The following DOCK7 variants were observed in gnomAD, a reference collection of about 807,000 sequenced individuals.
The protein encoded by DOCK7 is dedicator of cytokinesis protein 7.
A neutral mutation model predicts 271.0 loss-of-function variants in DOCK7; 138 were observed. The observed-to-expected ratio is 0.51, with a 90% CI of 0.44 to 0.59. DOCK7 has a LOEUF of 0.59. DOCK7 is among the 20% of genes least tolerant of loss of function. The probability of loss-of-function intolerance (pLI) is 0.00; values close to 1 mark genes in which losing one functional copy is unlikely to be tolerated. For synonymous variants in DOCK7, 823 were observed against 876.1 expected (o/e 0.94, Z 1.07); for missense variants, 2,066 against 2,592.4 (o/e 0.80, Z 4.41).
chr1:62,495,833 G>A (rs1436849699), intron 38 of DOCK7, 152 bp from the exon 39 acceptor site: 1 of 555,664 alleles, frequency 1.8e-6, no homozygotes, highest in Admixed American at 4.0e-5. Flanking sequence ...GGTATGTGGG[G>A]ATATGGTAAG....
intron 7 of DOCK7, among the ~76,000 whole-genome samples, chr1:62,639,867 T>C (rs12047226): frequency 0.34 from 50,816 of 150,934 alleles, 8,679 homozygotes; most frequent in South Asian, 0.42. Flanking sequence ...GACAAGAATT[T>C]AAACTGCCAA....
intron 43 of DOCK7, among the ~76,000 whole-genome samples, chr1:62,480,256 CA>C (rs772079258): frequency 4.6e-5 from 7 of 152,132 alleles, no homozygotes; most frequent in Non-Finnish European, 1.0e-4. Flanking sequence ...GGCTCAATGT[CA>C]CCTTCAATCT....
At chr1:62,466,248 C>G (rs1490428611) in intron 48 of DOCK7, among the ~76,000 whole-genome samples, 2 of 151,034 alleles carry the variant, frequency 1.3e-5, no homozygotes, top group East Asian at 3.9e-4. Flanking sequence ...TAAAAGTGCC[C>G]TATTTAGAAA....
At chr1:62,581,673 T>C (rs889978473) in intron 16 of DOCK7, among the ~76,000 whole-genome samples, 3 of 151,890 alleles carry the variant, frequency 2.0e-5, no homozygotes, top group African/African-American at 7.3e-5. Context: ...AACAATATAT[T>C]AAGAATGAGG....
At chr1:62,593,644 A>G (rs1159939734) in intron 14 of DOCK7, among the ~76,000 whole-genome samples, 1 of 152,132 alleles carries the variant, frequency 6.6e-6, no homozygotes, top group East Asian at 1.9e-4. Flanking sequence ...ATATGTATAA[A>G]ACTTAACATG....
intron 18 of DOCK7, among the ~76,000 whole-genome samples, chr1:62,565,342 C>A (rs904384974): frequency 1.3e-5 from 2 of 152,156 alleles, no homozygotes; most frequent in African/African-American, 4.8e-5. Context: ...TGCAGCAGCA[C>A]ACCAAAAAGC....
At chr1:62,472,539 T>A (rs1024556454) in intron 48 of DOCK7, among the ~76,000 whole-genome samples, 5 of 152,228 alleles carry the variant, frequency 3.3e-5, no homozygotes, top group African/African-American at 1.2e-4. Flanking sequence ...AGAATTGTAG[T>A]CATGGCAAAA....
At position 62,681,529 on chromosome 1, in the gene DOCK7, T is replaced by A. The variant is rs561054993; in HGVS notation, c.38+6698A>T. On this transcript the variant is annotated intron_variant, in intron 1 of 49. Coordinates refer to ENST00000635253, the MANE Select transcript of DOCK7 (RefSeq NM_001367561.1). Reference sequence around the variant, plus strand: ...TGCACATGTACCGTAGAACTTAAAGTATAATAAAAAATAAAAAAAATAAAA... The same window carrying A: ...TGCACATGTACCGTAGAACTTAAAGAATAATAAAAAATAAAAAAAATAAAA... Among the ~76,000 whole-genome samples the A allele has an allele frequency of 8.0e-4, 66 of 82,600 alleles. No homozygotes were observed. In the South Asian group the frequency reaches 0.036, roughly 45 times the overall value. The allele number at this position is 82,600 out of a possible 152,430, so 54.2% of individuals were successfully genotyped here.
intron 6 of DOCK7, 125 bp from the exon 7 acceptor site, chr1:62,647,901 C>A: frequency 1.2e-6 from 1 of 845,668 alleles, no homozygotes; most frequent in East Asian, 2.4e-5. Context: ...AGAAGAATGA[C>A]CTATTTATCC....
At chr1:62,579,410 G>C (rs1229912018) in intron 16 of DOCK7, among the ~76,000 whole-genome samples, 2 of 151,934 alleles carry the variant, frequency 1.3e-5, no homozygotes, top group East Asian at 3.9e-4. Context: ...GGGAAAAAAG[G>C]CATCTTTAGA....
At chr1:62,595,381 C>G (rs1649078586) in intron 14 of DOCK7, among the ~76,000 whole-genome samples, 2 of 152,048 alleles carry the variant, frequency 1.3e-5, no homozygotes, top group African/African-American at 4.8e-5. Flanking sequence ...TTATACGACC[C>G]TATAAAATAG....
At chr1:62,686,866 G>C (rs1433758606) in intron 1 of DOCK7, among the ~76,000 whole-genome samples, 1 of 145,024 alleles carries the variant, frequency 6.9e-6, no homozygotes, top group Non-Finnish European at 1.5e-5. Context: ...AAAAGTGCTA[G>C]AACGCTGGAA....
chr1:62,588,100 A>G (rs1274827877), intron 14 of DOCK7, among the ~76,000 whole-genome samples: 1 of 152,234 alleles, frequency 6.6e-6, no homozygotes, highest in Non-Finnish European at 1.5e-5. Flanking sequence ...AGGCAAATAC[A>G]GAACTGTTAT....
chr1:62,600,134 T>G (rs1052697634), intron 14 of DOCK7, among the ~76,000 whole-genome samples: 1 of 151,872 alleles, frequency 6.6e-6, no homozygotes, highest in Non-Finnish European at 1.5e-5. Flanking sequence ...CAATTATATC[T>G]TTTACTATGA....
At chr1:62,528,691 G>A (rs777761865) in intron 30 of DOCK7, among the ~76,000 whole-genome samples, 15 of 152,140 alleles carry the variant, frequency 9.9e-5, no homozygotes, top group Non-Finnish European at 1.0e-4. Flanking sequence ...AAATGTTTCT[G>A]TTTTACTGAA....
intron 28 of DOCK7, among the ~76,000 whole-genome samples, chr1:62,537,358 C>G (rs939450897): frequency 5.3e-5 from 8 of 151,872 alleles, no homozygotes; most frequent in Non-Finnish European, 4.4e-5. Flanking sequence ...CCGAGGCCGG[C>G]AGATCAAGAG....
At chr1:62,605,149 G>A in intron 14 of DOCK7, 1 of 232,396 alleles carries the variant, frequency 4.3e-6, no homozygotes, top group East Asian at 1.1e-4. Context: ...TATTTTAAAA[G>A]GCATCATATG....
intron 1 of DOCK7, among the ~76,000 whole-genome samples, chr1:62,685,296 G>A (rs1004912272): frequency 3.9e-5 from 6 of 152,156 alleles, no homozygotes; most frequent in African/African-American, 1.4e-4. Flanking sequence ...GTGCTGGGGT[G>A]TCAAACCCAG....
At chr1:62,472,814 A>C (rs1324109927) in intron 48 of DOCK7, among the ~76,000 whole-genome samples, 2 of 152,182 alleles carry the variant, frequency 1.3e-5, no homozygotes, top group African/African-American at 4.8e-5. Flanking sequence ...ATTTTGGTAC[A>C]TCTCAGAGAG....
Sources: allele counts gnomAD v4.1 joint callset (sites outside exome capture counted in the v4.1 genomes callset), GRCh38; gene constraint gnomAD v4.1.1; transcripts MANE v1.5; gene names NCBI Gene and HGNC (gene_info 2026-07-23, HGNC 2026-07-21).